COBL: variants seen among roughly 807,000 people sequenced by gnomAD.
COBL encodes protein cordon-bleu.
In COBL, 51 loss-of-function variants were observed where a neutral mutation model predicts 98.8. The ratio of observed to expected loss-of-function variants is 0.52; its 90% CI spans 0.41 to 0.65. The LOEUF (loss-of-function observed/expected upper bound fraction) is 0.65, where lower values mean the gene tolerates loss of function less well. Among genes scored for constraint, COBL ranks in the 30% least tolerant of loss-of-function variants. COBL has a pLI of 0.00. For missense variants in COBL, 1,617 were observed against 1,617.5 expected, an observed-to-expected ratio of 1.00 and a Z score of 0.01; for synonymous variants, 634 against 651.7, an observed-to-expected ratio of 0.97 and a Z score of 0.41.
At chr7:51,188,704 C>A (rs1789790558) in intron 4 of COBL, among the ~76,000 whole-genome samples, 1 of 152,206 alleles carries the variant, frequency 6.6e-6, no homozygotes, top group Non-Finnish European at 1.5e-5. Flanking sequence ...AACGGCCAAG[C>A]TGACCGCACC....
At chr7:51,186,714 C>T (rs1563011594) in intron 4 of COBL, among the ~76,000 whole-genome samples, 1 of 152,228 alleles carries the variant, frequency 6.6e-6, no homozygotes, top group Admixed American at 6.5e-5. Context: ...CTGCGCCTAA[C>T]ACTGATGGTC....
At chr7:51,156,698 TCACACA>T (rs68039377) in intron 5 of COBL, 4,017 of 170,080 alleles carry the variant, frequency 0.024, 82 homozygotes, top group African/African-American at 0.064. Flanking sequence ...AAACCACCCT[TCACACA>T]CACACACACA....
chr7:51,147,003 T>C (rs540068467), intron 5 of COBL, among the ~76,000 whole-genome samples: 2 of 152,248 alleles, frequency 1.3e-5, no homozygotes, highest in African/African-American at 4.8e-5. Flanking sequence ...GGGTTGCTCA[T>C]TAACCTGCAG....
Position 51,031,190 on chromosome 7 carries a change from G to T in COBL, c.1407-281C>A, listed in dbSNP as rs151153442. On this transcript the variant is annotated intron_variant, in intron 8 of 12. Transcript: ENST00000265136. Reference sequence around the variant, plus strand: ...TGGACATGTGATATATGGTGTGTGTGTGGGGCCCCAAAGTGTTACAGTAAC... The same window carrying T: ...TGGACATGTGATATATGGTGTGTGTTTGGGGCCCCAAAGTGTTACAGTAAC... 2.4e-3 allele frequency: 877 copies of T among 358,772 alleles called. 2 individuals carry two copies. The highest frequency in any genetic ancestry group is 4.2e-3 in the Admixed American group (92 of 21,782). The allele number at this position is 358,772 out of a possible 1,614,324, so 22.2% of individuals were successfully genotyped here.
At chr7:51,100,798 G>C (rs1795733343) in intron 6 of COBL, among the ~76,000 whole-genome samples, 1 of 152,136 alleles carries the variant, frequency 6.6e-6, no homozygotes, top group Non-Finnish European at 1.5e-5. Context: ...AGCTACTCAA[G>C]AGGCTGAGGC....
intron 5 of COBL, among the ~76,000 whole-genome samples, chr7:51,158,607 G>A (rs1369554590): frequency 1.3e-5 from 2 of 152,202 alleles, no homozygotes; most frequent in Non-Finnish European, 2.9e-5. Context: ...CGCATCCCTA[G>A]GGGCCCAGAC....
chr7:51,090,688 C>T (rs1337181337), intron 6 of COBL, among the ~76,000 whole-genome samples: 1 of 152,212 alleles, frequency 6.6e-6, no homozygotes, highest in Non-Finnish European at 1.5e-5. Flanking sequence ...AGAGAAAGCA[C>T]CCAGCTCACT....
At position 51,242,673 on chromosome 7, in the gene COBL, T is replaced by C. The variant is rs113759964; in HGVS notation, c.42-22729A>G. 6.0e-3 allele frequency among the ~76,000 whole-genome samples: 917 copies of C among 152,050 alleles called. 7 individuals are homozygous for C. Among genetic ancestry groups the C allele is most frequent in the Non-Finnish European group, 9.6e-3 (655 of 68,022 alleles). On this transcript the variant is annotated intron_variant, in intron 1 of 12. Transcript: ENST00000265136. ...TGTTATGATCTTCAGGTTCATAAGA[T>C]CCACAAACAGAAAATGTTAACTTAG... is the stretch of plus-strand genomic sequence containing the variant.
At chr7:51,067,858 C>T (rs1193736143) in intron 7 of COBL, among the ~76,000 whole-genome samples, 2 of 152,230 alleles carry the variant, frequency 1.3e-5, no homozygotes, top group African/African-American at 4.8e-5. Flanking sequence ...CAGGGTTCCC[C>T]CTGGTGGCTG....
intron 1 of COBL, among the ~76,000 whole-genome samples, chr7:51,282,846 A>G (rs190934922): frequency 6.6e-6 from 1 of 152,310 alleles, no homozygotes; most frequent in African/African-American, 2.4e-5. Flanking sequence ...AAGGCATACA[A>G]AAGTATGTTC....
intron 7 of COBL, among the ~76,000 whole-genome samples, chr7:51,056,718 T>C (rs979029275): frequency 6.6e-6 from 1 of 152,036 alleles, no homozygotes; most frequent in African/African-American, 2.4e-5. Context: ...CTCTTCTGAG[T>C]ATTTTTAGAA....
chr7:51,029,984 G>A (rs1787991537), intron 9 of COBL, among the ~76,000 whole-genome samples: 1 of 152,222 alleles, frequency 6.6e-6, no homozygotes, highest in Non-Finnish European at 1.5e-5. Context: ...AGGACCACGG[G>A]CTGTAGCTTT....
chr7:51,125,431 C>T (rs921722686), intron 6 of COBL, among the ~76,000 whole-genome samples: 1 of 152,174 alleles, frequency 6.6e-6, no homozygotes, highest in African/African-American at 2.4e-5. Flanking sequence ...ACCACCCAGT[C>T]GGCGGTATTT....
At chr7:51,191,516 T>C (rs1790114100) in intron 3 of COBL, among the ~76,000 whole-genome samples, 1 of 150,788 alleles carries the variant, frequency 6.6e-6, no homozygotes, top group Non-Finnish European at 1.5e-5. Flanking sequence ...TCCACATAAA[T>C]ACAGGAATAT....
At chr7:51,246,359 C>T (rs956259942) in intron 1 of COBL, among the ~76,000 whole-genome samples, 2 of 152,312 alleles carry the variant, frequency 1.3e-5, no homozygotes, top group South Asian at 4.1e-4. Flanking sequence ...ATAGTAAATG[C>T]TGTTTGTTGT....
chr7:51,019,925 G>A (rs1348026042), intron 12 of COBL, among the ~76,000 whole-genome samples: 1 of 152,190 alleles, frequency 6.6e-6, no homozygotes, highest in Non-Finnish European at 1.5e-5. Flanking sequence ...GAGAGTTGGT[G>A]TGTTTTTTCT....
At chr7:51,207,842 C>T (rs1186361228) in intron 2 of COBL, among the ~76,000 whole-genome samples, 43 of 152,294 alleles carry the variant, frequency 2.8e-4, no homozygotes, top group Middle Eastern at 3.4e-3. Context: ...AGCCTCTGCC[C>T]GGCCACCACC....
intron 1 of COBL, among the ~76,000 whole-genome samples, chr7:51,235,132 A>C (rs1048282488): frequency 6.6e-6 from 1 of 152,118 alleles, no homozygotes; most frequent in African/African-American, 2.4e-5. Flanking sequence ...CTGCACTTCC[A>C]ATCTCCACCA....
intron 1 of COBL, among the ~76,000 whole-genome samples, chr7:51,296,812 C>A (rs548107644): frequency 1.3e-5 from 2 of 152,168 alleles, no homozygotes; most frequent in Non-Finnish European, 2.9e-5. Context: ...GTTACAAACA[C>A]ATATTTCTTG....
Sources: allele counts gnomAD v4.1 joint callset (sites outside exome capture counted in the v4.1 genomes callset), GRCh38; gene constraint gnomAD v4.1.1; transcripts MANE v1.5; gene names NCBI Gene and HGNC (gene_info 2026-07-23, HGNC 2026-07-21).